The following KIF6 variants were observed in gnomAD, a reference collection of about 807,000 sequenced individuals.
The protein encoded by KIF6 is kinesin family member 6, also known as kinesin-like protein KIF6.
Under a neutral mutation model 112.7 loss-of-function variants are expected in KIF6, and 106 were observed. The ratio of observed to expected loss-of-function variants is 0.94; its 90% confidence interval spans 0.80 to 1.11. KIF6 has a LOEUF of 1.11. KIF6 is among the 50% of genes least tolerant of loss of function. The pLI is 0.00. For missense variants in KIF6, 929 were observed against 964.0 expected, an observed-to-expected ratio of 0.96 and a Z score of 0.48; for synonymous variants, 339 against 339.9, an observed-to-expected ratio of 1.00 and a Z score of 0.03.
chr6:39,391,848 ACAC>A (rs1767921250), intron 15 of KIF6, among the ~76,000 whole-genome samples: 1 of 152,172 alleles, frequency 6.6e-6, no homozygotes, highest in Non-Finnish European at 1.5e-5. Flanking sequence ...AGTTTAGGGT[ACAC>A]CACTCATCAG....
intron 13 of KIF6, among the ~76,000 whole-genome samples, chr6:39,502,638 G>A (rs953078158): frequency 1.3e-5 from 2 of 152,082 alleles, no homozygotes; most frequent in Admixed American, 1.3e-4. Flanking sequence ...CAAAATAAAG[G>A]GATGGAGGAA....
chr6:39,487,953 G>A (rs73412732), intron 13 of KIF6, among the ~76,000 whole-genome samples: 2,020 of 140,928 alleles, frequency 0.014, 52 homozygotes, highest in African/African-American at 0.05. Context: ...CCAAGATATA[G>A]TCAGGGCACC....
At chr6:39,585,991 T>A (rs899631421) in intron 8 of KIF6, among the ~76,000 whole-genome samples, 3 of 152,166 alleles carry the variant, frequency 2.0e-5, no homozygotes, top group Admixed American at 6.5e-5. Flanking sequence ...TGCCAACCCA[T>A]CAGTAGGCCT....
At chr6:39,543,705 T>G (rs762880339) in intron 12 of KIF6, among the ~76,000 whole-genome samples, 5 of 152,136 alleles carry the variant, frequency 3.3e-5, no homozygotes, top group Non-Finnish European at 7.4e-5. Flanking sequence ...GTAATGAAAA[T>G]GTCAAATCTT....
chr6:39,546,351 C>T (rs563598570), intron 10 of KIF6, among the ~76,000 whole-genome samples: 1 of 152,302 alleles, frequency 6.6e-6, no homozygotes, highest in East Asian at 1.9e-4. Context: ...GGCTCTCTCT[C>T]TGCTTCTTCC....
chr6:39,475,502 G>A (rs1774374741), intron 13 of KIF6, among the ~76,000 whole-genome samples: 1 of 152,184 alleles, frequency 6.6e-6, no homozygotes, highest in Non-Finnish European at 1.5e-5. Context: ...CTAGGTCCCT[G>A]ACAATATTTG....
rs927876961 is a variant in KIF6 at position 39,342,761 on chromosome 6, C to T, written c.2428+948G>A. 35 of 984,120 alleles carry T rather than the reference C, an allele frequency of 3.6e-5. No homozygotes were observed. The African/African-American group carries it at 5.1e-4, about 14-fold the overall frequency. The allele number at this position is 984,120 out of a possible 1,614,324, so 61.0% of individuals were successfully genotyped here. A position where few individuals can be genotyped will look rare whatever the true frequency, so the allele number is the denominator to read the frequency against. On this transcript the variant is annotated intron_variant, in intron 22 of 22. Transcript: ENST00000287152. The surrounding 1 kb of genome is among the most constrained non-coding windows in gnomAD (Gnocchi z 4.7). ...TGGTGAAGAGAGGATAGTAAATAAG[C>T]AGGCTGGCGGCCAAGCAAGGCGAGT...
At chr6:39,429,610 T>C (rs903557048) in intron 14 of KIF6, among the ~76,000 whole-genome samples, 1 of 152,206 alleles carries the variant, frequency 6.6e-6, no homozygotes, top group African/African-American at 2.4e-5. Flanking sequence ...CTCTTTGTTC[T>C]TTCTAAAAAT....
intron 13 of KIF6, among the ~76,000 whole-genome samples, chr6:39,478,555 G>C (rs149910259): frequency 0.028 from 4,273 of 152,208 alleles, 203 homozygotes; most frequent in African/African-American, 0.097. Flanking sequence ...TAGATACCTA[G>C]GAGTGAGATT....
chr6:39,663,989 G>A (rs1786308466), intron 3 of KIF6, among the ~76,000 whole-genome samples: 2 of 152,072 alleles, frequency 1.3e-5, no homozygotes, highest in East Asian at 1.9e-4. Context: ...GTACTTATAT[G>A]TATTAAGCAA....
chr6:39,461,485 A>C (rs993146295), intron 13 of KIF6, among the ~76,000 whole-genome samples: 4 of 152,206 alleles, frequency 2.6e-5, no homozygotes, highest in Non-Finnish European at 5.9e-5. Flanking sequence ...TTTTACTAGA[A>C]ATTAATAGCT....
chr6:39,657,870 C>A (rs1192672178), intron 3 of KIF6, among the ~76,000 whole-genome samples: 1 of 152,188 alleles, frequency 6.6e-6, no homozygotes, highest in African/African-American at 2.4e-5. Flanking sequence ...GACCACTCAG[C>A]TATACCACCT....
At chr6:39,449,957 C>G (rs1338072642) in intron 13 of KIF6, among the ~76,000 whole-genome samples, 1 of 152,248 alleles carries the variant, frequency 6.6e-6, no homozygotes, top group African/African-American at 2.4e-5. Context: ...CTCATCACCT[C>G]ACTATTCTGC....
In KIF6 at chr6:39,337,128, CCTCCT is replaced by C. The variant is rs1562102081; in HGVS notation, c.2429-585_2429-581del. Among the ~76,000 whole-genome samples the C allele has an allele frequency of 6.0e-3, 688 of 114,286 alleles. 26 individuals are homozygous for C. Among genetic ancestry groups the C allele is most frequent in the African/African-American group, 0.022 (636 of 28,888 alleles). The allele number at this position is 114,286 out of a possible 152,430, so 75.0% of individuals were successfully genotyped here. ...CTTTCTTCTCTTTCTTTCTTTCTTT[CCTCCT>C]TCCTTCCTTCCTTTCTCTTTCTTTT... On this transcript the variant is annotated intron_variant, in intron 22 of 22. Coordinates refer to ENST00000287152, the MANE Select transcript of KIF6 (RefSeq NM_145027.6).
intron 3 of KIF6, among the ~76,000 whole-genome samples, chr6:39,674,790 G>A (rs183820059): frequency 3.5e-4 from 52 of 148,924 alleles, no homozygotes; most frequent in Admixed American, 1.2e-3. Context: ...ATGACTCAGG[G>A]CTGGGAGGTA....
chr6:39,603,886 C>CT (rs1027902501), intron 6 of KIF6, among the ~76,000 whole-genome samples: 5 of 152,058 alleles, frequency 3.3e-5, no homozygotes, highest in Admixed American at 2.0e-4. Flanking sequence ...GTACCAAAAT[C>CT]TTTTTTTCAA....
chr6:39,484,371 C>A (rs1035532632), intron 13 of KIF6, among the ~76,000 whole-genome samples: 2 of 151,982 alleles, frequency 1.3e-5, no homozygotes, highest in Non-Finnish European at 1.5e-5. Flanking sequence ...GTTCAGTGAC[C>A]ATGAAGATGT....
chr6:39,648,399 G>A (rs1167198537), intron 3 of KIF6, among the ~76,000 whole-genome samples: 1 of 152,098 alleles, frequency 6.6e-6, no homozygotes, highest in Non-Finnish European at 1.5e-5. Context: ...AACCAGTTAT[G>A]TGAGACAAGA....
At chr6:39,481,656 C>T (rs78210398) in intron 13 of KIF6, among the ~76,000 whole-genome samples, 4,228 of 152,170 alleles carry the variant, frequency 0.028, 200 homozygotes, top group African/African-American at 0.096. Context: ...TCTAGGGCTC[C>T]CCACAAACTC....
Sources: gnomAD v4.1 joint callset for allele counts (sites outside exome capture counted in the v4.1 genomes callset) on GRCh38, gnomAD v4.1.1 for gene constraint, Gnocchi (gnomAD v3.1) non-coding constraint, MANE v1.5 for transcripts, NCBI Gene and HGNC (gene_info 2026-07-23, HGNC 2026-07-21) for gene names.